The following FCHO1 variants were observed in gnomAD, a reference collection of about 807,000 sequenced individuals.
The protein encoded by FCHO1 is F-BAR domain only protein 1.
Under a neutral mutation model 114.4 loss-of-function variants are expected in FCHO1, and 45 were observed. That is an observed-to-expected ratio of 0.39 (90% confidence interval 0.31 to 0.50). The LOEUF is 0.50. Among genes scored for constraint, FCHO1 ranks in the 20% least tolerant of loss-of-function variants. FCHO1 has a pLI of 0.77. For synonymous variants in FCHO1, 480 were observed against 488.9 expected (o/e 0.98, Z 0.24); for missense variants, 1,042 against 1,209.6 (o/e 0.86, Z 2.06).
At position 17,784,241 on chromosome 19, in the gene FCHO1, C is replaced by T; in HGVS notation, c.2226+6C>T. ...TGGTGCTGCTGCGATACCAGGTGCGCCACCCGCATGGGGCCGGGAGGAGGT... is the reference window on the plus strand; with the variant it reads ...TGGTGCTGCTGCGATACCAGGTGCGTCACCCGCATGGGGCCGGGAGGAGGT... On this transcript the variant is annotated splice_donor_region_variant and intron_variant, in intron 25 of 28. Transcript: ENST00000596536. This position sits in a 1 kb window ranked among gnomAD's most constrained non-coding sequence, Gnocchi z 5.3. The T allele has an allele frequency of 1.3e-6, 2 of 1,596,612 alleles. No homozygotes were observed. Among genetic ancestry groups the T allele is most frequent in the Non-Finnish European group, 1.7e-6 (2 of 1,171,918 alleles).
rs202137888 is a variant in FCHO1 at position 17,766,705 on chromosome 19, C to T, written c.231C>T (p.Ser77=). The change falls in exon 7 of 29, where the codon TCC becomes TCT. Residue 77 remains serine, a synonymous_variant. Coordinates refer to ENST00000596536, the MANE Select transcript of FCHO1 (RefSeq NM_015122.3). ...FAPLWEVFRV[S]SDKLALCHLE... ...CGCTCTGGGAGGTCTTCCGCGTCTCCTCGGACAAGCTGGCGCTGTGCCACC... is the reference window on the plus strand; with the variant it reads ...CGCTCTGGGAGGTCTTCCGCGTCTCTTCGGACAAGCTGGCGCTGTGCCACC... The T allele has an allele frequency of 6.7e-5, 108 of 1,614,196 alleles. No individual in the cohort carries two copies. In the East Asian group the frequency reaches 2.4e-3, roughly 36 times the overall value.
chr19:17,776,097 C>T lies in FCHO1; in HGVS notation c.1118C>T (p.Pro373Leu). The T allele has an allele frequency of 6.2e-7, 1 of 1,612,560 alleles. No homozygotes were observed. Among genetic ancestry groups the T allele is most frequent in the Non-Finnish European group, 8.5e-7 (1 of 1,179,902 alleles). Residue 373 changes from proline (P) to leucine (L), a missense_variant, in exon 16 of 29, where the codon CCC becomes CTC. Pro to Leu is a moderately conservative substitution (Grantham distance 98). Coordinates refer to ENST00000596536, the MANE Select transcript of FCHO1 (RefSeq NM_015122.3). This position sits in a 1 kb window ranked among gnomAD's most constrained non-coding sequence, Gnocchi z 4.4. Reference sequence around the variant, plus strand: ...CCGGCCCGGGCTCCAGCCTGCAGCCCCGAGGCAGCAGCGGCACAGCTCAGG... The same window carrying T: ...CCGGCCCGGGCTCCAGCCTGCAGCCTCGAGGCAGCAGCGGCACAGCTCAGG... ...PAPARAPACSPEAAAAQLRAT... is the reference protein window; with the variant it reads ...PAPARAPACSLEAAAAQLRAT...
upstream of FCHO1, among the ~76,000 whole-genome samples, chr19:17,748,732 C>T (rs2081215719): frequency 6.6e-6 from 1 of 152,194 alleles, no homozygotes; most frequent in African/African-American, 2.4e-5. Flanking sequence ...GGACCTGCTT[C>T]ACTGGTGACC....
chr19:17,759,861 T>A (rs957442762), intron 4 of FCHO1, among the ~76,000 whole-genome samples: 1 of 152,108 alleles, frequency 6.6e-6, no homozygotes, highest in Non-Finnish European at 1.5e-5. Context: ...CTTTTAGCCT[T>A]TTCCTCAGTT....
chr19:17,787,468 C>T (rs2094012400), intron 27 of FCHO1, among the ~76,000 whole-genome samples: 1 of 151,568 alleles, frequency 6.6e-6, no homozygotes, highest in African/African-American at 2.4e-5. Context: ...TGGCCAGACA[C>T]AGCAGGTGCA....
At chr19:17,763,404 C>T (rs1346732028) in intron 5 of FCHO1, among the ~76,000 whole-genome samples, 2 of 151,698 alleles carry the variant, frequency 1.3e-5, no homozygotes, top group African/African-American at 4.8e-5. Context: ...GCTGAGACTA[C>T]AGGTGCCTGC....
Position 17,776,283 on chromosome 19 carries a change from T to C in FCHO1, c.1207+12T>C. 1 of 1,614,132 alleles carries C rather than the reference T, an allele frequency of 6.2e-7. No homozygotes were observed. Among genetic ancestry groups the C allele is most frequent in the Non-Finnish European group, 8.5e-7 (1 of 1,180,026 alleles). ...ACGCCATTCTTCACGTGAGTAGCCT[T>C]TGGTCTTCAGAGTGGGGAGGATCCT... On this transcript the variant is annotated intron_variant, in intron 17 of 28. Coordinates refer to ENST00000596536, the MANE Select transcript of FCHO1 (RefSeq NM_015122.3). The surrounding 1 kb of genome is among the most constrained non-coding windows in gnomAD (Gnocchi z 4.4).
chr19:17,775,470 G>A lies in FCHO1; in HGVS notation c.960G>A (p.Val320=), dbSNP rs945830417. 17 of 1,613,822 alleles carry A rather than the reference G, an allele frequency of 1.1e-5. No homozygotes were observed. In the Admixed American group the frequency reaches 2.7e-4, roughly 25 times the overall value. ...LEPDSGTCPE[V]DEEGFTVRPD... ...GACTCCCCTAGACATGTCCAGAGGT[G>A]GATGAAGAAGGTTTCACTGTCCGGC... Residue 320 remains valine, a synonymous_variant, in exon 15 of 29, where the codon GTG becomes GTA. Coordinates refer to ENST00000596536, the MANE Select transcript of FCHO1 (RefSeq NM_015122.3). The surrounding 1 kb of genome is among the most constrained non-coding windows in gnomAD (Gnocchi z 5.1).
chr19:17,774,584 A>G (rs2092348732), intron 13 of FCHO1, 106 bp downstream of exon 13: 3 of 870,540 alleles, frequency 3.4e-6, no homozygotes, highest in Non-Finnish European at 1.8e-6. Context: ...GAGTATCCAT[A>G]TTCCAGGCTG....
At chr19:17,759,148 G>A (rs934044834) in intron 4 of FCHO1, among the ~76,000 whole-genome samples, 3 of 151,610 alleles carry the variant, frequency 2.0e-5, no homozygotes, top group African/African-American at 7.3e-5. Context: ...CCCTCCACAA[G>A]CCTTCTCTTC....
At position 17,781,453 on chromosome 19, in the gene FCHO1, C is replaced by G; in HGVS notation, c.1742C>G (p.Ser581Cys). 6.2e-7 allele frequency: 1 copy of G among 1,614,086 alleles called. No homozygotes were observed. The highest frequency in any genetic ancestry group is 8.5e-7 in the Non-Finnish European group (1 of 1,179,992). ...CAAGATTGTCTCTTTCCCTTCCAGT[C>G]TCGTTCCCTGAGCCCCTCCCCACTG... ...CPLTRSNGDL[S>C]RSLSPSPLGS... The change falls in exon 22 of 29, where the codon TCT (serine) becomes TGT (cysteine). Residue 581 changes from serine to cysteine, a missense_variant and splice_region_variant. Physicochemically the swap from Ser to Cys is moderately radical, Grantham distance 112. Transcript: ENST00000596536.
intron 20 of FCHO1, among the ~76,000 whole-genome samples, chr19:17,779,720 AC>A (rs2093161621): frequency 1.8e-5 from 1 of 56,990 alleles, no homozygotes; most frequent in Non-Finnish European, 3.8e-5. Context: ...AGGGGCGGAG[AC>A]AAGGGAGGGA....
At chr19:17,768,193 C>T (rs1269555277) in intron 7 of FCHO1, among the ~76,000 whole-genome samples, 1 of 152,126 alleles carries the variant, frequency 6.6e-6, no homozygotes, top group African/African-American at 2.4e-5. Context: ...CTCAGCCTCC[C>T]AGGTAGTTGG....
At chr19:17,761,401 C>CT (rs11452853) in intron 4 of FCHO1, among the ~76,000 whole-genome samples, 125,664 of 145,708 alleles carry the variant, frequency 0.86, 55,058 homozygotes, top group Middle Eastern at 0.96. Context: ...ATTTAACACA[C>CT]TTTTTTTTTT....
chr19:17,752,886 A>G (rs1003750580), intron 1 of FCHO1, among the ~76,000 whole-genome samples: 1 of 152,064 alleles, frequency 6.6e-6, no homozygotes, highest in East Asian at 1.9e-4. Context: ...TGGGTGACAG[A>G]GCAAGAACCT....
upstream of FCHO1, among the ~76,000 whole-genome samples, chr19:17,749,523 T>C (rs573978733): frequency 3.0e-4 from 45 of 152,014 alleles, no homozygotes; most frequent in African/African-American, 1.1e-3. Context: ...CCTGGGAAAG[T>C]TGGGTACACA....
chr19:17,778,219 G>C lies in FCHO1; in HGVS notation c.1342G>C (p.Asp448His), dbSNP rs377362897. The C allele has an allele frequency of 6.2e-7, 1 of 1,613,548 alleles. No homozygotes were observed. Among genetic ancestry groups the C allele is most frequent in the East Asian group, 2.2e-5 (1 of 44,882 alleles). Residue 448 changes from aspartate to histidine, a missense_variant, in exon 19 of 29, where the codon GAT (aspartate) becomes CAT (histidine). Physicochemically the swap from Asp to His is moderately conservative, Grantham distance 81. Around this residue, in one of 3 missense-constraint regions of FCHO1, gnomAD observed 455 missense variants for 455.4 expected, o/e 1.00. Transcript: ENST00000596536. ...PPLESAFDHE[D>H]FTGSSSLGFT... ...CCTGGAGTCAGCCTTTGACCACGAA[G>C]ATTTTACAGGTGATGGGGATAAGGG...
intron 22 of FCHO1, 38 bp downstream of exon 22, chr19:17,781,577 A>G (rs763260003): frequency 8.7e-6 from 14 of 1,605,624 alleles, no homozygotes; most frequent in Non-Finnish European, 1.2e-5. Flanking sequence ...TTTGGGCCTC[A>G]GTGTCACCTT....
chr19:17,770,994 C>T (rs1486080314), intron 9 of FCHO1, 98 bp downstream of exon 9: 21 of 1,050,630 alleles, frequency 2.0e-5, no homozygotes, highest in Non-Finnish European at 2.7e-5. Context: ...TGGCTCACAC[C>T]TGTAATCCCA....
Sources: allele counts gnomAD v4.1 joint callset (sites outside exome capture counted in the v4.1 genomes callset), GRCh38; gene constraint gnomAD v4.1.1; regional missense constraint gnomAD v4.1.1; non-coding constraint Gnocchi (gnomAD v3.1); transcripts MANE v1.5; gene names NCBI Gene and HGNC (gene_info 2026-07-23, HGNC 2026-07-21).